Variants in ZNF316 observed in about 807,000 individuals in gnomAD.
The protein encoded by ZNF316 is zinc finger protein 316.
Under a neutral mutation model 75.6 loss-of-function variants are expected in ZNF316, and 23 were observed. The observed-to-expected ratio is 0.30, with a 90% confidence interval of 0.22 to 0.43. The LOEUF (loss-of-function observed/expected upper bound fraction) is 0.43, where lower values mean the gene tolerates loss of function less well. Ranked by LOEUF, ZNF316 falls within the 20% of genes least tolerant of loss-of-function variation. ZNF316 has a pLI of 1.00. For synonymous variants in ZNF316, 827 were observed against 666.2 expected, an observed-to-expected ratio of 1.24 and a Z score of -3.72; for missense variants, 1,266 against 1,409.4, an observed-to-expected ratio of 0.90 and a Z score of 1.63.
Position 6,654,662 on chromosome 7 carries a change from T to C in ZNF316, c.*51T>C. 1 of 1,156,716 alleles carries C rather than the reference T, an allele frequency of 8.6e-7. No individual in the cohort carries two copies. Among genetic ancestry groups the C allele is most frequent in the Non-Finnish European group, 1.1e-6 (1 of 938,542 alleles). 71.7% of individuals were successfully genotyped at this position (1,156,716 alleles called of 1,614,324 possible). ...GCCTGCAGGGCCACCGGCCCCTCCC[T>C]TGGACGGCCGGCCCCCCGCTCCTCG... On this transcript the variant is annotated 3_prime_UTR_variant, in exon 9 of 9. Transcript: ENST00000382252.
chr7:6,645,918 C>A (rs1352588216), intron 8 of ZNF316, among the ~76,000 whole-genome samples: 1 of 144,090 alleles, frequency 6.9e-6, no homozygotes, highest in South Asian at 2.1e-4. Context: ...CACTTGAACC[C>A]GGGAGGTGGA....
chr7:6,655,996 T>G lies in ZNF316; in HGVS notation c.*1385T>G, dbSNP rs1779618877. ...GAAACGGATTTTTGGTGCAGCTGCATTCCCTAATAGACCTAGTTCCCTCCA... is the reference window on the plus strand; with the variant it reads ...GAAACGGATTTTTGGTGCAGCTGCAGTCCCTAATAGACCTAGTTCCCTCCA... On this transcript the variant is annotated 3_prime_UTR_variant, in exon 9 of 9. Transcript: ENST00000382252. The G allele has an allele frequency of 6.6e-6, 1 of 152,252 alleles. No homozygotes were observed. The highest frequency in any genetic ancestry group is 1.5e-5 in the Non-Finnish European group (1 of 68,084). The allele number at this position is 152,252 out of a possible 1,614,324, so 9.4% of individuals were successfully genotyped here. A position where few individuals can be genotyped will look rare whatever the true frequency, so the allele number is the denominator to read the frequency against.
rs541575212 is a variant in ZNF316 at position 6,657,719 on chromosome 7, C to T, written c.*3108C>T. Among the ~76,000 whole-genome samples the T allele has an allele frequency of 8.7e-5, 13 of 149,784 alleles. No individual in the cohort carries two copies. The highest frequency in any genetic ancestry group is 1.3e-4 in the Non-Finnish European group (9 of 67,778). On this transcript the variant is annotated 3_prime_UTR_variant, in exon 9 of 9. Coordinates refer to ENST00000382252, the MANE Select transcript of ZNF316 (RefSeq NM_001278559.2). The stretch of plus-strand genomic sequence containing the variant: ...AAAATTAGCTGGGTGTGGTGGCGCA[C>T]GTCTATAGTCCCAGCTACTCTGGAG...
At chr7:6,646,245 G>A (rs1426192401) in intron 8 of ZNF316, among the ~76,000 whole-genome samples, 1 of 152,178 alleles carries the variant, frequency 6.6e-6, no homozygotes, top group African/African-American at 2.4e-5. Flanking sequence ...GATACTTGGG[G>A]ACCCTCTTGG....
chr7:6,652,826 C>T lies in ZNF316; in HGVS notation c.1230C>T (p.Phe410=). 9 of 1,260,536 alleles carry T rather than the reference C, an allele frequency of 7.1e-6. No individual in the cohort carries two copies. The highest frequency in any genetic ancestry group is 1.5e-5 in the African/African-American group (1 of 65,042). The allele number at this position is 1,260,536 out of a possible 1,614,324, so 78.1% of individuals were successfully genotyped here. The change falls in exon 9 of 9, where the codon TTC becomes TTT. Residue 410 remains phenylalanine, a synonymous_variant. Coordinates refer to ENST00000382252, the MANE Select transcript of ZNF316 (RefSeq NM_001278559.2). ...CGTGCCCGGACTGCGGCAAGCGCTT[C>T]GTCTACAAGTCGCACCTGGTTACGC... ...PFPCPDCGKR[F]VYKSHLVTHR...
rs1474258116 is a variant in ZNF316, at chr7:6,640,337, G to T, written c.-167+1196G>T. The stretch of plus-strand genomic sequence containing the variant: ...AGGCTGTACAGGAAGCATGGTGCTG[G>T]CATCTGCCTGGCTTCTAGGGAGCCT... On this transcript the variant is annotated intron_variant, in intron 3 of 8. Transcript: ENST00000382252. The surrounding 1 kb of genome is among the most constrained non-coding windows in gnomAD (Gnocchi z 5.1). 6.6e-6 allele frequency among the ~76,000 whole-genome samples: 1 copy of T among 152,168 alleles called. No individual in the cohort carries two copies. Among genetic ancestry groups the T allele is most frequent in the Non-Finnish European group, 1.5e-5 (1 of 68,026 alleles).
intron 8 of ZNF316, among the ~76,000 whole-genome samples, chr7:6,648,232 C>T (rs940518601): frequency 2.0e-5 from 3 of 152,174 alleles, no homozygotes; most frequent in African/African-American, 7.2e-5. Context: ...GGGTGCCCCG[C>T]CCCTCCTGTC....
rs573842461 is a variant in ZNF316, at chr7:6,657,741, G to T, written c.*3130G>T. On this transcript the variant is annotated 3_prime_UTR_variant, in exon 9 of 9. Transcript: ENST00000382252. ...GCACGTCTATAGTCCCAGCTACTCT[G>T]GAGGCTGAGCCTGGGAGGCAGAGGC... Among the ~76,000 whole-genome samples the T allele has an allele frequency of 6.6e-6, 1 of 150,618 alleles. No individual in the cohort carries two copies. Among genetic ancestry groups the T allele is most frequent in the East Asian group, 2.0e-4 (1 of 5,104 alleles).
At chr7:6,652,154 C>T (rs1439566920) in intron 8 of ZNF316, 149 bp from the exon 9 acceptor site, 4 of 712,972 alleles carry the variant, frequency 5.6e-6, no homozygotes, top group East Asian at 3.4e-5. Flanking sequence ...GGCAACCGCT[C>T]ACTTGGTGAA....
chr7:6,648,273 C>T (rs1490631374), intron 8 of ZNF316, among the ~76,000 whole-genome samples: 5 of 152,140 alleles, frequency 3.3e-5, no homozygotes, highest in Non-Finnish European at 7.4e-5. Context: ...CCCCGGGGCA[C>T]AGGGCTGGCC....
In ZNF316 at chr7:6,654,425, G is replaced by C. The variant is rs1246546478; in HGVS notation, c.2829G>C (p.Ala943=). The part of the protein sequence containing the change: ...HMKTHRGATA[A]PGSGSAPAPA... ...AGACGCACCGCGGAGCCACCGCAGC[G>C]CCGGGCTCGGGTTCGGCCCCAGCCC... Residue 943 remains alanine, a synonymous_variant, in exon 9 of 9, where the codon GCG becomes GCC. Transcript: ENST00000382252. The C allele has an allele frequency of 6.6e-6, 8 of 1,208,876 alleles. No individual in the cohort carries two copies. The African/African-American group carries it at 1.1e-4, about 17-fold the overall frequency. The allele number at this position is 1,208,876 out of a possible 1,614,324, so 74.9% of individuals were successfully genotyped here. A position where few individuals can be genotyped will look rare whatever the true frequency, so the allele number is the denominator to read the frequency against.
rs117119779 is a variant in ZNF316 at position 6,638,756 on chromosome 7, G to A, written c.-266-286G>A. 4.7e-4 allele frequency among the ~76,000 whole-genome samples: 71 copies of A among 152,290 alleles called. No homozygotes were observed. In the East Asian group the frequency reaches 0.013, roughly 27 times the overall value. ...TTGAGAAATGAGGGTTTGGGATGAC[G>A]TTGGTGAAGCTCCCTGTGGCCTCTG... is the stretch of plus-strand genomic sequence containing the variant. On this transcript the variant is annotated intron_variant, in intron 2 of 8. Coordinates refer to ENST00000382252, the MANE Select transcript of ZNF316 (RefSeq NM_001278559.2).
chr7:6,653,407 C>G lies in ZNF316; in HGVS notation c.1811C>G (p.Pro604Arg), dbSNP rs968399845. 2.4e-5 allele frequency: 30 copies of G among 1,227,678 alleles called. No individual in the cohort carries two copies. The highest frequency in any genetic ancestry group is 2.9e-5 in the Non-Finnish European group (29 of 985,806). The allele number at this position is 1,227,678 out of a possible 1,614,324, so 76.0% of individuals were successfully genotyped here. The change falls in exon 9 of 9, where the codon CCC becomes CGC. Residue 604 changes from proline (P) to arginine (R), a missense_variant. Coordinates refer to ENST00000382252, the MANE Select transcript of ZNF316 (RefSeq NM_001278559.2). ...CTGGGCTTCCACTTCCCCGTGCACC[C>G]CAAGTCCTGGCTGCACCCGGACAGC... is the stretch of plus-strand genomic sequence containing the variant. ...HPLGFHFPVH[P>R]KSWLHPDSFP...
rs779116458 is a variant in ZNF316, at chr7:6,639,321, G to T, written c.-167+180G>T. ...GAATGCTTCTTAAGTGCTGGTGTGAGGGGTATTCAGACATGAGCAAAGGGA... is the reference window on the plus strand; with the variant it reads ...GAATGCTTCTTAAGTGCTGGTGTGATGGGTATTCAGACATGAGCAAAGGGA... On this transcript the variant is annotated intron_variant, in intron 3 of 8. Coordinates refer to ENST00000382252, the MANE Select transcript of ZNF316 (RefSeq NM_001278559.2). The surrounding 1 kb of genome is among the most constrained non-coding windows in gnomAD (Gnocchi z 4.2). Among the ~76,000 whole-genome samples, 1 of 152,176 alleles carries T rather than the reference G, an allele frequency of 6.6e-6. No individual in the cohort carries two copies. The highest frequency in any genetic ancestry group is 1.5e-5 in the Non-Finnish European group (1 of 68,038).
intron 8 of ZNF316, among the ~76,000 whole-genome samples, chr7:6,647,002 C>T (rs943427293): frequency 2.6e-5 from 4 of 152,214 alleles, no homozygotes; most frequent in Non-Finnish European, 5.9e-5. Flanking sequence ...TTTCTCCTTA[C>T]CTGGCTTAGA....
At position 6,656,034 on chromosome 7, in the gene ZNF316, C is replaced by T. The variant is rs531548640; in HGVS notation, c.*1423C>T. On this transcript the variant is annotated 3_prime_UTR_variant, in exon 9 of 9. Coordinates refer to ENST00000382252, the MANE Select transcript of ZNF316 (RefSeq NM_001278559.2). ...CTAGTTCCCTCCACGTTAGTGTAGACATGGCCTTGGGGGCTGAGCGCAGCA... is the reference window on the plus strand; with the variant it reads ...CTAGTTCCCTCCACGTTAGTGTAGATATGGCCTTGGGGGCTGAGCGCAGCA... 6.6e-6 allele frequency: 1 copy of T among 152,410 alleles called. No individual in the cohort carries two copies. The highest frequency in any genetic ancestry group is 6.5e-5 in the Admixed American group (1 of 15,304). 9.4% of individuals were successfully genotyped at this position (152,410 alleles called of 1,614,324 possible). A position where few individuals can be genotyped will look rare whatever the true frequency, so the allele number is the denominator to read the frequency against.
chr7:6,655,791 G>C lies in ZNF316; in HGVS notation c.*1180G>C, dbSNP rs1457036253. The C allele has an allele frequency of 6.6e-6, 1 of 151,816 alleles. No individual in the cohort carries two copies. 9.4% of individuals were successfully genotyped at this position (151,816 alleles called of 1,614,324 possible). On this transcript the variant is annotated 3_prime_UTR_variant, in exon 9 of 9. Transcript: ENST00000382252. The stretch of plus-strand genomic sequence containing the variant: ...CACAGTGGCTGTCCACCTCGGGGGG[G>C]TGTGGACCTGAGCCGTGGCTCAGTG...
Position 6,640,603 on chromosome 7 carries a change from G to T in ZNF316, c.-166-1222G>T, listed in dbSNP as rs1418474267. ...CTCCAGCATTGGGGATTACGGTTCA[G>T]CGTGAGATCTGGGCGGGGACAAACA... is the stretch of plus-strand genomic sequence containing the variant. On this transcript the variant is annotated intron_variant, in intron 3 of 8. Coordinates refer to ENST00000382252, the MANE Select transcript of ZNF316 (RefSeq NM_001278559.2). This position sits in a 1 kb window ranked among gnomAD's most constrained non-coding sequence, Gnocchi z 5.1. Among the ~76,000 whole-genome samples the T allele has an allele frequency of 6.6e-6, 1 of 152,228 alleles. No individual in the cohort carries two copies. Among genetic ancestry groups the T allele is most frequent in the African/African-American group, 2.4e-5 (1 of 41,474 alleles).
rs1028571140 is a variant in ZNF316, at chr7:6,658,093, T to C, written c.*3482T>C. 6.6e-6 allele frequency among the ~76,000 whole-genome samples: 1 copy of C among 152,172 alleles called. No homozygotes were observed. Among genetic ancestry groups the C allele is most frequent in the Non-Finnish European group, 1.5e-5 (1 of 68,046 alleles). On this transcript the variant is annotated 3_prime_UTR_variant, in exon 9 of 9. Coordinates refer to ENST00000382252, the MANE Select transcript of ZNF316 (RefSeq NM_001278559.2). ...CCCTCCATCTACCTTTGTTATTTCC[T>C]TTCTCTTTTGCCGGTTTCCCCAACC...
Sources: allele counts gnomAD v4.1 joint callset (sites outside exome capture counted in the v4.1 genomes callset), GRCh38; gene constraint gnomAD v4.1.1; non-coding constraint Gnocchi (gnomAD v3.1); transcripts MANE v1.5; gene names NCBI Gene and HGNC (gene_info 2026-07-23, HGNC 2026-07-21).